The following MINAR1 variants were observed in gnomAD, a reference collection of about 807,000 sequenced individuals.
The protein encoded by MINAR1 is major intrinsically disordered Notch2-binding receptor 1.
Under a neutral mutation model 65.1 loss-of-function variants are expected in MINAR1, and 40 were observed. The observed-to-expected ratio is 0.61, with a 90% CI of 0.48 to 0.80. The LOEUF is 0.80. Among genes scored for constraint, MINAR1 ranks in the 30% least tolerant of loss-of-function variants. The probability of loss-of-function intolerance (pLI) is 0.00; values close to 1 mark genes in which losing one functional copy is unlikely to be tolerated. For synonymous variants in MINAR1, 482 were observed against 449.1 expected (o/e 1.07, Z -0.93); for missense variants, 1,128 against 1,148.0 (o/e 0.98, Z 0.25).
In MINAR1 at chr15:79,458,144, C is replaced by T. The variant is rs1399139437; in HGVS notation, c.1997C>T (p.Ala666Val). ...DDSASPRMFHAHSGSHGPKLE... is the reference protein window; with the variant it reads ...DDSASPRMFHVHSGSHGPKLE... Reference sequence around the variant, plus strand: ...AGTGCCTCTCCCCGGATGTTCCACGCACACAGTGGCTCCCACGGACCCAAA... The same window carrying T: ...AGTGCCTCTCCCCGGATGTTCCACGTACACAGTGGCTCCCACGGACCCAAA... Residue 666 changes from alanine (A) to valine (V), a missense_variant, in exon 2 of 4, where the codon GCA (alanine) becomes GTA (valine). By Grantham distance (64) the Ala-to-Val change is moderately conservative. Transcript: ENST00000305428. The T allele has an allele frequency of 1.9e-6, 3 of 1,613,988 alleles. No individual in the cohort carries two copies. Among genetic ancestry groups the T allele is most frequent in the African/African-American group, 2.7e-5 (2 of 74,914 alleles).
At chr15:79,455,616 A>G (rs1895384965) in intron 1 of MINAR1, among the ~76,000 whole-genome samples, 1 of 152,184 alleles carries the variant, frequency 6.6e-6, no homozygotes, top group Admixed American at 6.5e-5. Flanking sequence ...ATTAAGATGG[A>G]ATCATGCAGT....
At chr15:79,442,792 T>G (rs1450064334) in intron 1 of MINAR1, among the ~76,000 whole-genome samples, 2 of 152,062 alleles carry the variant, frequency 1.3e-5, no homozygotes, top group Non-Finnish European at 2.9e-5. Context: ...AAATTAGTAC[T>G]TATTTTAAAA....
the MINAR1 span, chr15:79,416,736 C>G: frequency 1.3e-5 from 2 of 152,208 alleles, no homozygotes; most frequent in Non-Finnish European, 2.9e-5. Context: ...TCACAGCAGT[C>G]AGCGAGGCAG....
At chr15:79,431,044 G>A (rs1447049553), upstream of MINAR1, among the ~76,000 whole-genome samples, 3 of 152,108 alleles carry the variant, frequency 2.0e-5, no homozygotes, top group African/African-American at 4.8e-5. Flanking sequence ...GTCCCCCCAG[G>A]GCCTTTGCTC....
chr15:79,432,134 C>G (rs1024169092), upstream of MINAR1, among the ~76,000 whole-genome samples: 1 of 152,164 alleles, frequency 6.6e-6, no homozygotes, highest in Admixed American at 6.5e-5. Flanking sequence ...GACCGAGACA[C>G]AAAGACCGAG....
intron 1 of MINAR1, among the ~76,000 whole-genome samples, chr15:79,451,086 A>G (rs1412437576): frequency 6.6e-6 from 1 of 152,078 alleles, no homozygotes; most frequent in Non-Finnish European, 1.5e-5. Flanking sequence ...GCTCCTCTCT[A>G]CCATTAGGCT....
intron 1 of MINAR1, among the ~76,000 whole-genome samples, chr15:79,443,741 T>C (rs1270655889): frequency 6.6e-6 from 1 of 152,206 alleles, no homozygotes; most frequent in Non-Finnish European, 1.5e-5. Flanking sequence ...CCACATTATT[T>C]TACTATTCAA....
chr15:79,456,177 C>G lies in MINAR1; in HGVS notation c.30C>G (p.Phe10Leu), dbSNP rs759573756. 8 of 1,613,840 alleles carry G rather than the reference C, an allele frequency of 5.0e-6. No homozygotes were observed. The highest frequency in any genetic ancestry group is 6.8e-6 in the Non-Finnish European group (8 of 1,179,754). Residue 10 changes from phenylalanine (F) to leucine (L), a missense_variant, in exon 2 of 4, where the codon TTC becomes TTG. Phe to Leu is a conservative substitution (Grantham distance 22). Transcript: ENST00000305428. METSQETSLFLVKILEELDS... is the reference protein window; with the variant it reads METSQETSLLLVKILEELDS... ...AGACCAGTCAGGAAACTTCCCTCTT[C>G]TTGGTGAAGATCTTGGAGGAACTGG...
the MINAR1 span, chr15:79,419,623 T>G: frequency 7.9e-5 from 12 of 152,154 alleles, no homozygotes; most frequent in African/African-American, 2.7e-4. Context: ...CAGCACATAG[T>G]TAGGACAGAA....
rs1895490855 is a variant in MINAR1, at chr15:79,457,823, C to T, written c.1676C>T (p.Ser559Phe). 2 of 1,614,142 alleles carry T rather than the reference C, an allele frequency of 1.2e-6. No individual in the cohort carries two copies. The highest frequency in any genetic ancestry group is 1.7e-6 in the Non-Finnish European group (2 of 1,180,028). ...SQLHKSDCDS[S>F]PEHNLTKIAN... ...CTCCATAAGTCAGACTGCGACAGTT[C>T]CCCTGAGCACAACTTAACCAAAATT... is the stretch of plus-strand genomic sequence containing the variant. The change falls in exon 2 of 4, where the codon TCC (serine) becomes TTC (phenylalanine). Residue 559 changes from serine (S) to phenylalanine (F), a missense_variant. Transcript: ENST00000305428.
intron 1 of MINAR1, among the ~76,000 whole-genome samples, chr15:79,436,011 C>T (rs913786206): frequency 1.3e-5 from 2 of 152,192 alleles, no homozygotes; most frequent in African/African-American, 4.8e-5. Context: ...CTTTAAGAGT[C>T]AGCAGGTGCC....
intron 1 of MINAR1, among the ~76,000 whole-genome samples, chr15:79,445,397 G>C (rs1459338075): frequency 2.6e-5 from 4 of 152,122 alleles, no homozygotes; most frequent in Non-Finnish European, 4.4e-5. Context: ...AAGTAGAACA[G>C]CTTGTATTTA....
the MINAR1 span, chr15:79,414,857 A>T: frequency 6.6e-6 from 1 of 152,268 alleles, no homozygotes; most frequent in Non-Finnish European, 1.5e-5. Flanking sequence ...GGCATAATGC[A>T]GTGAGCACTC....
At chr15:79,437,143 G>A (rs957575096) in intron 1 of MINAR1, among the ~76,000 whole-genome samples, 4 of 152,196 alleles carry the variant, frequency 2.6e-5, no homozygotes, top group African/African-American at 9.6e-5. Context: ...CAGTCACTAG[G>A]AACTGAAAGC....
At chr15:79,444,382 G>T (rs543128737) in intron 1 of MINAR1, among the ~76,000 whole-genome samples, 1 of 151,964 alleles carries the variant, frequency 6.6e-6, no homozygotes, top group African/African-American at 2.4e-5. Context: ...TTATTTCAAA[G>T]AAATCATTTA....
At position 79,457,216 on chromosome 15, in the gene MINAR1, A is replaced by G; in HGVS notation, c.1069A>G (p.Lys357Glu). The G allele has an allele frequency of 6.2e-7, 1 of 1,614,058 alleles. No homozygotes were observed. The highest frequency in any genetic ancestry group is 8.5e-7 in the Non-Finnish European group (1 of 1,179,984). ...CCAAGAAGCCAGGCGCTGTCTAGGGAAGCCCAACAAGCAGACTCCCTGGCC... is the reference window on the plus strand; with the variant it reads ...CCAAGAAGCCAGGCGCTGTCTAGGGGAGCCCAACAAGCAGACTCCCTGGCC... Reference protein sequence around the residue: ...GTQEARRCLGKPNKQTPWPAK... With the variant: ...GTQEARRCLGEPNKQTPWPAK... The change falls in exon 2 of 4, where the codon AAG becomes GAG. Residue 357 changes from lysine to glutamate, a missense_variant. Physicochemically the swap from Lys to Glu is moderately conservative, Grantham distance 56. Transcript: ENST00000305428.
upstream of MINAR1, among the ~76,000 whole-genome samples, chr15:79,429,685 G>A (rs529186928): frequency 1.2e-4 from 19 of 152,144 alleles, no homozygotes; most frequent in African/African-American, 3.1e-4. Flanking sequence ...CCATGAATTC[G>A]CGTCATCCCC....
the MINAR1 span, chr15:79,411,527 T>G: frequency 1.4e-6 from 1 of 701,184 alleles, no homozygotes; most frequent in Non-Finnish European, 2.6e-6. Context: ...GGGGAGGCAC[T>G]GAGAGTGGAT....
chr15:79,421,635 T>G, the MINAR1 span: 2 of 152,060 alleles, frequency 1.3e-5, no homozygotes, highest in Admixed American at 6.6e-5. Context: ...TTAGAAATGG[T>G]CTCCAAAGGG....
Sources: allele counts gnomAD v4.1 joint callset (sites outside exome capture counted in the v4.1 genomes callset), GRCh38; gene constraint gnomAD v4.1.1; transcripts MANE v1.5; gene names NCBI Gene and HGNC (gene_info 2026-07-23, HGNC 2026-07-21).